The following C6orf163 variants were observed in gnomAD, a reference collection of about 807,000 sequenced individuals.
C6orf163 encodes uncharacterized protein C6orf163.
C6orf163 carries 22 observed loss-of-function variants against 28.4 expected under a neutral mutation model. The observed-to-expected ratio is 0.78, with a 90% CI of 0.55 to 1.11. The LOEUF (loss-of-function observed/expected upper bound fraction) is 1.11, where lower values mean the gene tolerates loss of function less well. Ranked by LOEUF, C6orf163 falls within the 50% of genes least tolerant of loss-of-function variation. The pLI is 0.00. For synonymous variants in C6orf163, 110 were observed against 123.6 expected (o/e 0.89, Z 0.73); for missense variants, 342 against 389.1 (o/e 0.88, Z 1.02).
intron 4 of C6orf163, chr6:87,358,619 A>ATG: frequency 2.0e-5 from 1 of 50,006 alleles, no homozygotes; most frequent in East Asian, 5.7e-4. Flanking sequence ...AAAAAAAAAA[A>ATG]TCTGTTTGTA....
intron 1 of C6orf163, 39 bp from the exon 2 acceptor site, chr6:87,348,773 T>G (rs1303484862): frequency 6.5e-7 from 1 of 1,532,720 alleles, no homozygotes; most frequent in Non-Finnish European, 8.7e-7. Context: ...CAGGAAGCAG[T>G]CGGTGGAGGT....
At chr6:87,356,665 A>G (rs1293384416) in intron 4 of C6orf163, among the ~76,000 whole-genome samples, 162 bp downstream of exon 4, 1 of 152,228 alleles carries the variant, frequency 6.6e-6, no homozygotes, top group Non-Finnish European at 1.5e-5. Flanking sequence ...TATATTGTAG[A>G]GTATGTGTGT....
intron 1 of C6orf163, among the ~76,000 whole-genome samples, chr6:87,345,902 G>A (rs1343653690): frequency 1.8e-5 from 2 of 108,608 alleles, no homozygotes; most frequent in Non-Finnish European, 3.6e-5. Context: ...GGGTGACAGA[G>A]CGAGACTCTG....
At chr6:87,346,036 C>T (rs564322915) in intron 1 of C6orf163, among the ~76,000 whole-genome samples, 38 of 123,318 alleles carry the variant, frequency 3.1e-4, no homozygotes, top group African/African-American at 8.8e-4. Flanking sequence ...AACATGAGGA[C>T]GTTTACTGTA....
intron 4 of C6orf163, 138 bp downstream of exon 4, chr6:87,356,641 C>T (rs1228596056): frequency 1.2e-5 from 9 of 730,718 alleles, no homozygotes; most frequent in Non-Finnish European, 1.8e-5. Context: ...AAATACCAAA[C>T]ATAGGGAACA....
At chr6:87,351,751 T>C (rs1488312846) in intron 3 of C6orf163, among the ~76,000 whole-genome samples, 1 of 152,242 alleles carries the variant, frequency 6.6e-6, no homozygotes, top group Admixed American at 6.5e-5. Flanking sequence ...ATCACCTTGG[T>C]CACCCTGGTT....
chr6:87,349,048 C>G, intron 2 of C6orf163, 142 bp downstream of exon 2: 1 of 1,044,118 alleles, frequency 9.6e-7, no homozygotes. Flanking sequence ...GTTCTACAAC[C>G]TCTGTAGTCT....
chr6:87,345,674 C>G (rs1436599078), intron 1 of C6orf163, among the ~76,000 whole-genome samples: 1 of 152,048 alleles, frequency 6.6e-6, no homozygotes, highest in Non-Finnish European at 1.5e-5. Flanking sequence ...GTAATCCCAG[C>G]ACTTTGGGTG....
chr6:87,363,644 A>G (rs916683056), intron 4 of C6orf163, among the ~76,000 whole-genome samples: 1 of 151,624 alleles, frequency 6.6e-6, no homozygotes, highest in Non-Finnish European at 1.5e-5. Context: ...ATGATTTGCA[A>G]TTTCATCCAT....
chr6:87,353,496 A>T (rs941681785), intron 3 of C6orf163, among the ~76,000 whole-genome samples: 1 of 152,050 alleles, frequency 6.6e-6, no homozygotes, highest in Non-Finnish European at 1.5e-5. Context: ...CAGGCATACA[A>T]CGGTCTTACA....
chr6:87,347,590 CTAG>C lies in C6orf163; in HGVS notation c.149-1218_149-1216del, dbSNP rs1181063945. Reference sequence around the variant, plus strand: ...TGTGTTTTTAAGATTCGCTGATGAACTAGTAGGAGACTCTGTGCCGCCAAACAT... The same window carrying C: ...TGTGTTTTTAAGATTCGCTGATGAACTAGGAGACTCTGTGCCGCCAAACAT... On this transcript the variant is annotated intron_variant, in intron 1 of 4. Coordinates refer to ENST00000388923, the MANE Select transcript of C6orf163 (RefSeq NM_001010868.3). The C allele has an allele frequency of 3.0e-6, 3 of 985,300 alleles. No individual in the cohort carries two copies. The African/African-American group carries it at 5.2e-5, about 17-fold the overall frequency. 61.0% of individuals were successfully genotyped at this position (985,300 alleles called of 1,614,324 possible).
chr6:87,344,915 T>TTAA lies in C6orf163; in HGVS notation c.-184_-182dup, dbSNP rs1267963770. 7 of 461,338 alleles carry TTAA rather than the reference T, an allele frequency of 1.5e-5. No individual in the cohort carries two copies. The highest frequency in any genetic ancestry group is 2.3e-5 in the Non-Finnish European group (6 of 265,588). The allele number at this position is 461,338 out of a possible 1,614,324, so 28.6% of individuals were successfully genotyped here. A position where few individuals can be genotyped will look rare whatever the true frequency, so the allele number is the denominator to read the frequency against. On this transcript the variant is annotated 5_prime_UTR_variant, in exon 1 of 5. Transcript: ENST00000388923. Reference sequence around the variant, plus strand: ...TGGCAGGGGCTTTTAGCACCATTCTTTAACGTTAGACACATAACCACAGCC... The same window carrying TTAA: ...TGGCAGGGGCTTTTAGCACCATTCTTTAATAACGTTAGACACATAACCACAGCC...
At chr6:87,346,420 G>A (rs987295273) in intron 1 of C6orf163, among the ~76,000 whole-genome samples, 1 of 152,170 alleles carries the variant, frequency 6.6e-6, no homozygotes, top group African/African-American at 2.4e-5. Flanking sequence ...CCAGGACAGT[G>A]TATCTCCATT....
chr6:87,358,886 A>T (rs903544433), intron 4 of C6orf163, among the ~76,000 whole-genome samples: 2 of 152,152 alleles, frequency 1.3e-5, no homozygotes, highest in Non-Finnish European at 2.9e-5. Context: ...TCACAGAGGA[A>T]AGAGGTGACA....
At chr6:87,350,922 A>C (rs1205612141) in intron 3 of C6orf163, among the ~76,000 whole-genome samples, 1 of 152,170 alleles carries the variant, frequency 6.6e-6, no homozygotes, top group Non-Finnish European at 1.5e-5. Context: ...CAATTCCCTG[A>C]CTTAGTAGGT....
chr6:87,350,084 A>G (rs1777387587), intron 2 of C6orf163, among the ~76,000 whole-genome samples: 1 of 152,214 alleles, frequency 6.6e-6, no homozygotes, highest in Non-Finnish European at 1.5e-5. Context: ...GAGTCAATCA[A>G]GCAAGAAATA....
chr6:87,348,988 G>A (rs770563362), intron 2 of C6orf163, 82 bp downstream of exon 2: 69 of 1,496,586 alleles, frequency 4.6e-5, no homozygotes, highest in Non-Finnish European at 5.5e-5. Flanking sequence ...ATTGTATAGT[G>A]TAGTAGTCAG....
At chr6:87,360,277 TAAAA>T (rs11331376) in intron 4 of C6orf163, among the ~76,000 whole-genome samples, 1 of 151,808 alleles carries the variant, frequency 6.6e-6, no homozygotes, top group East Asian at 1.9e-4. Context: ...CCTCTTTCGA[TAAAA>T]AAAATACAGG....
chr6:87,363,744 CATT>C (rs1338657150), intron 4 of C6orf163, among the ~76,000 whole-genome samples: 1 of 151,930 alleles, frequency 6.6e-6, no homozygotes, highest in African/African-American at 2.4e-5. Flanking sequence ...TCCAGTCTAT[CATT>C]GTTGGACATT....
Sources: allele counts gnomAD v4.1 joint callset (sites outside exome capture counted in the v4.1 genomes callset), GRCh38; gene constraint gnomAD v4.1.1; transcripts MANE v1.5; gene names NCBI Gene and HGNC (gene_info 2026-07-23, HGNC 2026-07-21).